The following BACH2 variants were observed in gnomAD, a reference collection of about 807,000 sequenced individuals.
BACH2 encodes BACH transcriptional regulator 2.
Under a neutral mutation model 61.8 loss-of-function variants are expected in BACH2, and 5 were observed. The observed-to-expected ratio is 0.08, with a 90% CI of 0.04 to 0.17. BACH2 has a LOEUF of 0.17. Ranked by LOEUF, BACH2 falls within the 10% of genes least tolerant of loss-of-function variation. The pLI is 1.00. For synonymous variants in BACH2, 446 were observed against 440.1 expected (o/e 1.01, Z -0.17); for missense variants, 824 against 1,091.1 (o/e 0.76, Z 3.45).
At chr6:90,028,084 A>G (rs1778728397) in intron 5 of BACH2, among the ~76,000 whole-genome samples, 1 of 152,178 alleles carries the variant, frequency 6.6e-6, no homozygotes. Flanking sequence ...ACTTGCTGGC[A>G]ACTTCGGCCA....
At chr6:90,084,526 T>C (rs1781848828) in intron 5 of BACH2, among the ~76,000 whole-genome samples, 1 of 147,224 alleles carries the variant, frequency 6.8e-6, no homozygotes, top group Non-Finnish European at 1.5e-5. Flanking sequence ...TCTACAAAAA[T>C]CTTTAATTCC....
At chr6:90,056,536 T>C (rs9451333) in intron 5 of BACH2, among the ~76,000 whole-genome samples, 66,456 of 151,312 alleles carry the variant, frequency 0.44, 17,268 homozygotes, top group East Asian at 0.82. Flanking sequence ...GACTTTAACA[T>C]CCCACTGTCA....
intron 7 of BACH2, among the ~76,000 whole-genome samples, chr6:89,940,852 GT>G (rs11306386): frequency 0.67 from 95,506 of 142,552 alleles, 31,472 homozygotes; most frequent in East Asian, 0.72. Context: ...ATAGTTTACA[GT>G]TTTTTTTTTT....
At chr6:90,073,441 A>T (rs1781331435) in intron 5 of BACH2, among the ~76,000 whole-genome samples, 1 of 152,220 alleles carries the variant, frequency 6.6e-6, no homozygotes, top group Non-Finnish European at 1.5e-5. Context: ...GTCAACAGAG[A>T]TCGAGATGAA....
At chr6:89,938,837 G>C (rs1331398244) in intron 7 of BACH2, among the ~76,000 whole-genome samples, 1 of 152,196 alleles carries the variant, frequency 6.6e-6, no homozygotes, top group Non-Finnish European at 1.5e-5. Context: ...GCATATGGGA[G>C]ATAGGAGGAG....
chr6:90,145,222 C>A lies in BACH2; in HGVS notation c.-161-56113G>T, dbSNP rs1277724106. On this transcript the variant is annotated intron_variant, in intron 4 of 8. Transcript: ENST00000257749. ...AAAAGCAACAAAGGAAAGAATAGCT[C>A]ATCTAATCTGTACTTGGAATTTCTC... Among the ~76,000 whole-genome samples, 3 of 152,132 alleles carry A rather than the reference C, an allele frequency of 2.0e-5. No homozygotes were observed. In the East Asian group the frequency reaches 5.8e-4, roughly 29 times the overall value.
chr6:90,142,895 A>T (rs1476890362), intron 4 of BACH2, among the ~76,000 whole-genome samples: 1 of 152,204 alleles, frequency 6.6e-6, no homozygotes, highest in Non-Finnish European at 1.5e-5. Flanking sequence ...AATACATTGG[A>T]CATGATTAGA....
intron 4 of BACH2, among the ~76,000 whole-genome samples, chr6:90,147,666 GA>G (rs759026808): frequency 2.6e-5 from 4 of 151,314 alleles, no homozygotes; most frequent in African/African-American, 9.7e-5. Context: ...TAGTCAATTA[GA>G]AAAAAAAATT....
intron 3 of BACH2, among the ~76,000 whole-genome samples, chr6:90,231,673 T>C (rs918099844): frequency 6.6e-6 from 1 of 152,190 alleles, no homozygotes; most frequent in Admixed American, 6.6e-5. Context: ...CAAAATGCAA[T>C]TTGAAATGTC....
At chr6:90,295,996 G>A (rs1472249580) in intron 1 of BACH2, among the ~76,000 whole-genome samples, 2 of 152,204 alleles carry the variant, frequency 1.3e-5, no homozygotes, top group East Asian at 2.0e-4. Flanking sequence ...GGGTTAAGGA[G>A]GAGGCCGCCC....
At chr6:90,194,529 A>AT (rs1434718035) in intron 4 of BACH2, among the ~76,000 whole-genome samples, 2 of 152,142 alleles carry the variant, frequency 1.3e-5, no homozygotes, top group African/African-American at 4.8e-5. Context: ...GTGGCAGCCG[A>AT]TTTTCAGGTC....
chr6:90,236,463 T>G (rs1770263470), intron 3 of BACH2, among the ~76,000 whole-genome samples: 2 of 152,286 alleles, frequency 1.3e-5, no homozygotes, highest in South Asian at 4.1e-4. Context: ...GAAAGATACA[T>G]AGGTCTGAGA....
chr6:90,095,949 A>C (rs969335460), intron 4 of BACH2, among the ~76,000 whole-genome samples: 3 of 152,208 alleles, frequency 2.0e-5, no homozygotes, highest in African/African-American at 7.2e-5. Context: ...TGGAGACAGG[A>C]CAACATGCAA....
intron 5 of BACH2, among the ~76,000 whole-genome samples, chr6:90,027,267 G>C (rs1778683161): frequency 6.6e-6 from 1 of 152,156 alleles, no homozygotes; most frequent in Admixed American, 6.5e-5. Context: ...AAAAGAATGT[G>C]CTTGGAGCTT....
At chr6:89,957,782 C>T (rs537115054) in intron 6 of BACH2, among the ~76,000 whole-genome samples, 7 of 152,250 alleles carry the variant, frequency 4.6e-5, no homozygotes, top group African/African-American at 7.2e-5. Context: ...TCAAGCAATC[C>T]GTCTATTTTG....
At chr6:90,132,617 C>T (rs1784116207) in intron 4 of BACH2, among the ~76,000 whole-genome samples, 1 of 152,188 alleles carries the variant, frequency 6.6e-6, no homozygotes, top group African/African-American at 2.4e-5. Context: ...TTCCTCCTCC[C>T]ACCCCTACCG....
At chr6:90,240,374 A>AT (rs897971773) in intron 3 of BACH2, among the ~76,000 whole-genome samples, 12 of 152,344 alleles carry the variant, frequency 7.9e-5, no homozygotes, top group Non-Finnish European at 1.5e-4. Flanking sequence ...TGTCTCAAAA[A>AT]TTTTAACTTA....
At chr6:90,296,299 A>G (rs1232807944) in intron 1 of BACH2, among the ~76,000 whole-genome samples, 181 bp downstream of exon 1, 3 of 151,414 alleles carry the variant, frequency 2.0e-5, no homozygotes, top group Middle Eastern at 3.4e-3. Flanking sequence ...TCCCGTTCCT[A>G]GAAAATGCCA....
At chr6:90,198,896 G>A (rs916956903) in intron 4 of BACH2, among the ~76,000 whole-genome samples, 1 of 152,292 alleles carries the variant, frequency 6.6e-6, no homozygotes, top group African/African-American at 2.4e-5. Context: ...ACTGAATCAT[G>A]GGGGTGGGTC....
Sources: allele counts gnomAD v4.1 joint callset (sites outside exome capture counted in the v4.1 genomes callset), GRCh38; gene constraint gnomAD v4.1.1; transcripts MANE v1.5; gene names NCBI Gene and HGNC (gene_info 2026-07-23, HGNC 2026-07-21).